The following MYRIP variants were observed in gnomAD, a reference collection of about 807,000 sequenced individuals.
MYRIP encodes the protein myosin VIIA and Rab interacting protein.
MYRIP carries 49 observed loss-of-function variants against 98.0 expected under a neutral mutation model. The ratio of observed to expected loss-of-function variants is 0.50; its 90% CI spans 0.40 to 0.63. The LOEUF (loss-of-function observed/expected upper bound fraction) is 0.63. MYRIP is among the 30% of genes least tolerant of loss of function. MYRIP has a pLI of 0.00. For missense variants in MYRIP, 1,004 were observed against 1,058.2 expected (o/e 0.95, Z 0.71); for synonymous variants, 404 against 409.5 (o/e 0.99, Z 0.16).
intron 7 of MYRIP, 30 bp from the exon 8 acceptor site, chr3:40,169,920 C>T (rs1405638782): frequency 1.2e-6 from 2 of 1,613,932 alleles, no homozygotes; most frequent in Admixed American, 1.7e-5. Flanking sequence ...TCTCCAATAA[C>T]TTGCCCCTTT....
At chr3:40,193,421 A>G (rs1404380978) in intron 10 of MYRIP, among the ~76,000 whole-genome samples, 1 of 152,206 alleles carries the variant, frequency 6.6e-6, no homozygotes, top group African/African-American at 2.4e-5. Context: ...TTGGTTCACC[A>G]CTGTTCCATA....
intron 3 of MYRIP, among the ~76,000 whole-genome samples, chr3:40,082,375 C>G (rs1203328618): frequency 6.6e-6 from 1 of 152,190 alleles, no homozygotes; most frequent in East Asian, 1.9e-4. Context: ...ATTGCGGGAG[C>G]TGGTGGCTGA....
intron 2 of MYRIP, among the ~76,000 whole-genome samples, chr3:40,038,004 G>A (rs1038640358): frequency 2.0e-5 from 3 of 151,896 alleles, no homozygotes; most frequent in South Asian, 2.1e-4. Flanking sequence ...GTTATCAGTC[G>A]GTAGAGAATA....
chr3:39,960,420 A>G (rs139677826), intron 2 of MYRIP, among the ~76,000 whole-genome samples: 1 of 152,274 alleles, frequency 6.6e-6, no homozygotes, highest in East Asian at 1.9e-4. Context: ...GCAAAGTTTA[A>G]TAATAGCATG....
At chr3:40,169,865 A>T in intron 7 of MYRIP, 85 bp from the exon 8 acceptor site, 1 of 1,559,326 alleles carries the variant, frequency 6.4e-7, no homozygotes, top group Non-Finnish European at 8.8e-7. Context: ...GGCTGAAAAA[A>T]ATTCCAAAGA....
At chr3:40,167,913 G>C (rs1207029483) in intron 7 of MYRIP, among the ~76,000 whole-genome samples, 1 of 152,180 alleles carries the variant, frequency 6.6e-6, no homozygotes, top group Non-Finnish European at 1.5e-5. Flanking sequence ...TGCTCTCTCT[G>C]TGAACATCAC....
chr3:39,933,462 T>C (rs1944586447), intron 2 of MYRIP, among the ~76,000 whole-genome samples: 1 of 152,240 alleles, frequency 6.6e-6, no homozygotes, highest in Admixed American at 6.5e-5. Flanking sequence ...CTTTCATACG[T>C]CCTTGTCACT....
intron 2 of MYRIP, among the ~76,000 whole-genome samples, chr3:39,984,093 T>G (rs1945964399): frequency 6.6e-6 from 1 of 152,160 alleles, no homozygotes; most frequent in Non-Finnish European, 1.5e-5. Context: ...ATCTGGGGAC[T>G]GGGTTTATAA....
rs193147054 is a variant in MYRIP, at chr3:40,057,945, G to A, written c.332+13674G>A. ...CTTTCCTCAAAAGATTATTGTAGAG[G>A]AAAAGAGGGATACAGCACAAAAATC... On this transcript the variant is annotated intron_variant, in intron 3 of 16. Coordinates refer to ENST00000302541, the MANE Select transcript of MYRIP (RefSeq NM_015460.4). 3.4e-3 allele frequency among the ~76,000 whole-genome samples: 523 copies of A among 152,282 alleles called. 2 individuals are homozygous for A. Among genetic ancestry groups the A allele is most frequent in the Middle Eastern group, 6.8e-3 (2 of 294 alleles).
intron 8 of MYRIP, among the ~76,000 whole-genome samples, chr3:40,176,753 C>G (rs1385142728): frequency 1.3e-5 from 2 of 151,374 alleles, no homozygotes; most frequent in East Asian, 1.9e-4. Flanking sequence ...ACTAAAAATA[C>G]AAAAAATTAG....
rs1559378041 is a variant in MYRIP at position 40,044,111 on chromosome 3, C to T, written c.172C>T (p.Gln58Ter). The T allele has an allele frequency of 6.2e-7, 1 of 1,614,182 alleles. No homozygotes were observed. The highest frequency in any genetic ancestry group is 8.5e-7 in the Non-Finnish European group (1 of 1,180,030). Residue 58 changes from glutamine (Q) to a stop codon, truncating the protein, a stop_gained, in exon 3 of 17, where the codon CAG becomes TAG. Transcript: ENST00000302541. LOFTEE classifies it high-confidence loss of function. ...GTGCAGCATCCTCTCGAAGCACCAG[C>T]AGTTTGTGGAGCACTGCTGCATGCG... ...SKCSILSKHQ[Q>*]FVEHCCMRCC...
rs568552703 is a variant in MYRIP at position 39,901,400 on chromosome 3, C to G, written c.110+474C>G. Among the ~76,000 whole-genome samples the G allele has an allele frequency of 2.6e-5, 4 of 152,288 alleles. No individual in the cohort carries two copies. In the East Asian group the frequency reaches 7.7e-4, roughly 30 times the overall value. On this transcript the variant is annotated intron_variant, in intron 2 of 16. Coordinates refer to ENST00000302541, the MANE Select transcript of MYRIP (RefSeq NM_015460.4). ...GACCACCAGGCTGGGATGGGATCAC[C>G]TGGCTTAGCACCACTTCCCTCATTT...
chr3:40,033,575 AC>A (rs1472756595), intron 2 of MYRIP, among the ~76,000 whole-genome samples: 1 of 152,236 alleles, frequency 6.6e-6, no homozygotes, highest in Non-Finnish European at 1.5e-5. Flanking sequence ...AAAAGAGGAT[AC>A]AAAGAAATGG....
At chr3:39,844,756 T>C (rs1231265749) in intron 1 of MYRIP, among the ~76,000 whole-genome samples, 1 of 152,212 alleles carries the variant, frequency 6.6e-6, no homozygotes, top group Non-Finnish European at 1.5e-5. Context: ...GGGGTGTGGC[T>C]CTGTTCTAAA....
At chr3:40,167,042 G>A (rs1429660368) in intron 6 of MYRIP, 99 bp downstream of exon 6, 2 of 1,367,514 alleles carry the variant, frequency 1.5e-6, no homozygotes, top group Non-Finnish European at 2.1e-6. Context: ...TGTCCCAGCA[G>A]CTCTGACTAG....
chr3:40,196,858 G>T (rs574938214), intron 10 of MYRIP, among the ~76,000 whole-genome samples: 4 of 152,156 alleles, frequency 2.6e-5, no homozygotes, highest in Admixed American at 2.0e-4. Context: ...GTCTTGTGAG[G>T]GACTCATGTT....
chr3:40,202,423 T>G (rs1418935155), intron 10 of MYRIP, among the ~76,000 whole-genome samples: 1 of 152,136 alleles, frequency 6.6e-6, no homozygotes, highest in Non-Finnish European at 1.5e-5. Flanking sequence ...TAGGCTGGAT[T>G]TCAATGTGCG....
intron 2 of MYRIP, among the ~76,000 whole-genome samples, chr3:39,964,276 A>G (rs1945390270): frequency 6.6e-6 from 1 of 152,138 alleles, no homozygotes; most frequent in Admixed American, 6.6e-5. Context: ...TTTAAGCACT[A>G]TGAAGAGTTT....
rs1953121408 is a variant in MYRIP, at chr3:40,244,472, T to C, written c.2127T>C (p.Tyr709=). The part of the protein sequence containing the change: ...ENVYLAAGTV[Y]GLETQLTELE... The stretch of plus-strand genomic sequence containing the variant: ...TATACCTGGCAGCAGGCACTGTGTA[T>C]GGACTGGAGACCCAGCTGACTGAGC... Residue 709 remains tyrosine (Y), a synonymous_variant, in exon 13 of 17, where the codon TAT becomes TAC. Coordinates refer to ENST00000302541, the MANE Select transcript of MYRIP (RefSeq NM_015460.4). 1 of 1,613,844 alleles carries C rather than the reference T, an allele frequency of 6.2e-7. No homozygotes were observed.
Sources: allele counts gnomAD v4.1 joint callset (sites outside exome capture counted in the v4.1 genomes callset), GRCh38; gene constraint gnomAD v4.1.1; transcripts MANE v1.5; gene names NCBI Gene and HGNC (gene_info 2026-07-23, HGNC 2026-07-21).